The following PDE1C variants were observed in gnomAD, a reference collection of about 807,000 sequenced individuals.
PDE1C encodes phosphodiesterase 1C.
PDE1C carries 62 observed loss-of-function variants against 93.1 expected under a neutral mutation model. The observed-to-expected ratio is 0.67, with a 90% CI of 0.54 to 0.82. The LOEUF (loss-of-function observed/expected upper bound fraction) is 0.82, where lower values mean the gene tolerates loss of function less well. Among genes scored for constraint, PDE1C ranks in the 40% least tolerant of loss-of-function variants. The pLI, the probability that PDE1C is intolerant of heterozygous loss-of-function variation, is 0.00. For missense variants in PDE1C, 742 were observed against 884.6 expected, an observed-to-expected ratio of 0.84 and a Z score of 2.04; for synonymous variants, 325 against 310.1, an observed-to-expected ratio of 1.05 and a Z score of -0.50.
At chr7:31,883,772 G>A (rs192539208) in intron 2 of PDE1C, among the ~76,000 whole-genome samples, 44 of 152,322 alleles carry the variant, frequency 2.9e-4, no homozygotes, top group African/African-American at 9.6e-4. Flanking sequence ...ATCTCACTCA[G>A]CTGTTCCAAT....
chr7:32,147,312 G>GAAA (rs762750151), intron 3 of PDE1C, among the ~76,000 whole-genome samples: 14 of 145,430 alleles, frequency 9.6e-5, no homozygotes, highest in Admixed American at 3.4e-4. Context: ...AAGAAAGAAA[G>GAAA]AAAGAAAGAA....
At chr7:31,958,008 C>T (rs1002700893) in intron 2 of PDE1C, among the ~76,000 whole-genome samples, 2 of 152,128 alleles carry the variant, frequency 1.3e-5, no homozygotes, top group African/African-American at 4.8e-5. Flanking sequence ...GTTTTCCACT[C>T]GCTAGGAGTT....
chr7:32,317,261 T>G (rs35199208), intron 1 of PDE1C, among the ~76,000 whole-genome samples: 11,156 of 152,268 alleles, frequency 0.073, 501 homozygotes, highest in East Asian at 0.13. Context: ...TCATGTTTTT[T>G]GGGATCTATA....
intron 1 of PDE1C, among the ~76,000 whole-genome samples, chr7:32,289,240 A>T (rs1453026019): frequency 6.6e-6 from 1 of 152,142 alleles, no homozygotes; most frequent in Non-Finnish European, 1.5e-5. Flanking sequence ...GCCCATCTCT[A>T]GAAATAATAA....
At chr7:32,313,321 T>C (rs558103077) in intron 1 of PDE1C, among the ~76,000 whole-genome samples, 39 of 148,858 alleles carry the variant, frequency 2.6e-4, no homozygotes, top group Non-Finnish European at 4.8e-4. Flanking sequence ...GTAAACTAGT[T>C]CAACCATGTG....
At position 31,837,255 on chromosome 7, in the gene PDE1C, A is replaced by G. The variant is rs773968982; in HGVS notation, c.1128T>C (p.Asp376=). The part of the protein sequence containing the change: ...KALSLMLHTA[D]ISHPAKAWDL... ...CCCATGCTTTTGCTGGATGGCTAAT[A>G]TCTGCTGTATGCAGCATAAGGGATA... Residue 376 remains aspartate, a synonymous_variant, in exon 11 of 18, where the codon GAT becomes GAC. Transcript: ENST00000396191. 31 of 1,613,828 alleles carry G rather than the reference A, an allele frequency of 1.9e-5. No individual in the cohort carries two copies. The highest frequency in any genetic ancestry group is 2.5e-5 in the Non-Finnish European group (30 of 1,179,766).
chr7:32,161,488 G>A (rs545503129), intron 3 of PDE1C, among the ~76,000 whole-genome samples: 1 of 152,172 alleles, frequency 6.6e-6, no homozygotes, highest in Non-Finnish European at 1.5e-5. Context: ...TGAAGTTATT[G>A]CTCATGCAAC....
chr7:32,069,599 T>A (rs1402106947), intron 1 of PDE1C, among the ~76,000 whole-genome samples: 1 of 152,086 alleles, frequency 6.6e-6, no homozygotes, highest in East Asian at 1.9e-4. Context: ...AGGTCACCTC[T>A]CCTCAGTACC....
At chr7:32,152,709 T>C (rs1468943495) in intron 3 of PDE1C, among the ~76,000 whole-genome samples, 4 of 152,082 alleles carry the variant, frequency 2.6e-5, no homozygotes, top group African/African-American at 7.2e-5. Context: ...AGAGTGAAAA[T>C]CTGAGAAGAA....
chr7:31,716,344 G>A, the PDE1C span, among the ~76,000 whole-genome samples: 2 of 152,150 alleles, frequency 1.3e-5, no homozygotes, highest in Non-Finnish European at 2.9e-5. Context: ...AGTACTAAGA[G>A]TTCTCAAATT....
chr7:31,837,318 C>G lies in PDE1C; in HGVS notation c.1083-18G>C, dbSNP rs1266931224. The G allele has an allele frequency of 6.3e-6, 10 of 1,594,310 alleles. No individual in the cohort carries two copies. Among genetic ancestry groups the G allele is most frequent in the African/African-American group, 1.3e-5 (1 of 74,114 alleles). On this transcript the variant is annotated intron_variant, in intron 10 of 17. Transcript: ENST00000396191. ...TTTCAATGCTGTAAACCAAAAGCAC[C>G]CAAACACATGATAACCACACTCTTC... is the stretch of plus-strand genomic sequence containing the variant.
chr7:31,741,749 G>A, the PDE1C span, among the ~76,000 whole-genome samples: 1 of 152,182 alleles, frequency 6.6e-6, no homozygotes, highest in African/African-American at 2.4e-5. Flanking sequence ...AGGAAGAAAT[G>A]AGCTTACCTA....
At chr7:32,282,152 T>A (rs1811676576) in intron 1 of PDE1C, among the ~76,000 whole-genome samples, 2 of 121,736 alleles carry the variant, frequency 1.6e-5, no homozygotes, top group African/African-American at 6.8e-5. Context: ...GAACTTAAAG[T>A]ATAATAAAAA....
the PDE1C span, among the ~76,000 whole-genome samples, chr7:31,622,034 C>G: frequency 7.1e-6 from 1 of 141,612 alleles, no homozygotes; most frequent in Non-Finnish European, 1.5e-5. Flanking sequence ...GTAAAGGGAT[C>G]AATTCAACAA....
intron 1 of PDE1C, among the ~76,000 whole-genome samples, chr7:32,374,192 AAGAGAGGGAAAGAGAGGGAAAGAAAGG>A (rs1784383492): frequency 7.0e-6 from 1 of 143,644 alleles, no homozygotes; most frequent in African/African-American, 2.6e-5. Flanking sequence ...GAAAGAAAGA[AAGAGAGGGAAAGAGAGGGAAAGAAAGG>A]GAAAGAAAGA....
intron 2 of PDE1C, among the ~76,000 whole-genome samples, chr7:31,911,722 T>C (rs1801272498): frequency 6.6e-6 from 1 of 152,190 alleles, no homozygotes; most frequent in Non-Finnish European, 1.5e-5. Context: ...ATGAGCCAGA[T>C]GCTTTCATTA....
chr7:31,889,066 A>G (rs1032850408), intron 2 of PDE1C, among the ~76,000 whole-genome samples: 2 of 152,246 alleles, frequency 1.3e-5, no homozygotes, highest in African/African-American at 4.8e-5. Context: ...CTCAACATTT[A>G]GAAATATGAA....
the PDE1C span, among the ~76,000 whole-genome samples, chr7:31,699,783 T>TTTA: frequency 6.6e-6 from 1 of 152,042 alleles, no homozygotes. Context: ...TGTTTAGAAT[T>TTTA]TTATTATTAT....
intron 17 of PDE1C, among the ~76,000 whole-genome samples, chr7:31,770,790 C>T (rs1463263331): frequency 6.6e-6 from 1 of 152,124 alleles, no homozygotes; most frequent in Non-Finnish European, 1.5e-5. Flanking sequence ...AGCCACCAAG[C>T]CCAGCCGTTT....
Sources: allele counts gnomAD v4.1 joint callset (sites outside exome capture counted in the v4.1 genomes callset), GRCh38; gene constraint gnomAD v4.1.1; transcripts MANE v1.5; gene names NCBI Gene and HGNC (gene_info 2026-07-23, HGNC 2026-07-21).